The following FCHSD2 variants were observed in gnomAD, a reference collection of about 807,000 sequenced individuals.
FCHSD2 encodes the protein F-BAR and double SH3 domains protein 2.
In FCHSD2, 38 loss-of-function variants were observed where a neutral mutation model predicts 108.1. The ratio of observed to expected loss-of-function variants is 0.35; its 90% confidence interval spans 0.27 to 0.46. The LOEUF is 0.46. FCHSD2 is among the 20% of genes least tolerant of loss of function. FCHSD2 has a pLI of 1.00. For synonymous variants in FCHSD2, 279 were observed against 314.7 expected, an observed-to-expected ratio of 0.89 and a Z score of 1.20; for missense variants, 751 against 897.8, an observed-to-expected ratio of 0.84 and a Z score of 2.09.
At chr11:72,891,010 G>A (rs772524915) in intron 10 of FCHSD2, among the ~76,000 whole-genome samples, 65 of 151,996 alleles carry the variant, frequency 4.3e-4, no homozygotes, top group African/African-American at 1.4e-3. Context: ...CTCAACCTCC[G>A]GGCTCAAGTG....
chr11:73,073,164 A>C lies in FCHSD2; in HGVS notation c.165+10531T>G, dbSNP rs151099675. Among the ~76,000 whole-genome samples, 153 of 152,334 alleles carry C rather than the reference A, an allele frequency of 1.0e-3. 1 individual carries two copies. The highest frequency in any genetic ancestry group is 2.1e-3 in the South Asian group (10 of 4,828). Reference sequence around the variant, plus strand: ...CTGCAAATGATTTTACCAACACCTCAGTGGTTAGCTAATTGCAGTCAGAAG... The same window carrying C: ...CTGCAAATGATTTTACCAACACCTCCGTGGTTAGCTAATTGCAGTCAGAAG... On this transcript the variant is annotated intron_variant, in intron 3 of 19. Transcript: ENST00000409418.
intron 3 of FCHSD2, among the ~76,000 whole-genome samples, chr11:73,062,479 A>T (rs1859191110): frequency 6.6e-6 from 1 of 152,214 alleles, no homozygotes; most frequent in African/African-American, 2.4e-5. Flanking sequence ...GGTGGGTAAT[A>T]ACCAACACCT....
chr11:73,039,177 G>C (rs950680084), intron 3 of FCHSD2, among the ~76,000 whole-genome samples: 1 of 152,100 alleles, frequency 6.6e-6, no homozygotes, highest in Non-Finnish European at 1.5e-5. Flanking sequence ...GTCTCACTGG[G>C]AGTAAGCAAT....
At chr11:73,041,764 ATTTTGTGTTTTGGTTTGTTCACAG>A (rs796464589) in intron 3 of FCHSD2, among the ~76,000 whole-genome samples, 22 of 151,820 alleles carry the variant, frequency 1.4e-4, no homozygotes, top group African/African-American at 5.1e-4. Context: ...CTATTTTTCA[ATTTTGTGTTTTGGTTTGTTCACAG>A]TTTTGTGTTT....
At position 73,096,987 on chromosome 11, in the gene FCHSD2, A is replaced by ATTTTTTTTT. The variant is rs60223064; in HGVS notation, c.120-13256_120-13248dup. On this transcript the variant is annotated intron_variant, in intron 2 of 19. Coordinates refer to ENST00000409418, the MANE Select transcript of FCHSD2 (RefSeq NM_014824.3). ...CTAATGTGATGTATTTCATTGATGG[A>ATTTTTTTTT]TTTTTTTTTTTTTTTTTTTTTTTTT... Among the ~76,000 whole-genome samples the ATTTTTTTTT allele has an allele frequency of 1.0e-2, 270 of 27,030 alleles. 94 individuals are homozygous for ATTTTTTTTT. The highest frequency in any genetic ancestry group is 0.03 in the African/African-American group (150 of 5,050). 17.7% of individuals were successfully genotyped at this position (27,030 alleles called of 152,430 possible). A position where few individuals can be genotyped will look rare whatever the true frequency, so the allele number is the denominator to read the frequency against.
At chr11:72,893,092 G>A (rs923274561) in intron 10 of FCHSD2, among the ~76,000 whole-genome samples, 4 of 151,830 alleles carry the variant, frequency 2.6e-5, no homozygotes, top group African/African-American at 4.8e-5. Flanking sequence ...TCTGCCTCTC[G>A]GGTTCAAGAG....
At chr11:73,060,917 A>G (rs1211151889) in intron 3 of FCHSD2, among the ~76,000 whole-genome samples, 2 of 152,234 alleles carry the variant, frequency 1.3e-5, no homozygotes, top group African/African-American at 4.8e-5. Context: ...TCCCGTGTTC[A>G]TGAAGGAAGG....
intron 8 of FCHSD2, among the ~76,000 whole-genome samples, chr11:72,978,018 G>A (rs1857138833): frequency 1.3e-5 from 2 of 152,160 alleles, no homozygotes; most frequent in Non-Finnish European, 2.9e-5. Flanking sequence ...GTAGGGACAT[G>A]GATGAAGCTG....
At chr11:73,140,545 C>T (rs191940194) in intron 1 of FCHSD2, among the ~76,000 whole-genome samples, 13 of 152,256 alleles carry the variant, frequency 8.5e-5, no homozygotes, top group Non-Finnish European at 1.3e-4. Flanking sequence ...TGCCTGATAC[C>T]CAATGACCAA....
intron 2 of FCHSD2, among the ~76,000 whole-genome samples, chr11:73,094,763 T>C (rs1466022709): frequency 6.6e-6 from 1 of 152,208 alleles, no homozygotes; most frequent in Non-Finnish European, 1.5e-5. Context: ...AATAAAGAAA[T>C]ATCTTAATTT....
At position 72,843,266 on chromosome 11, in the gene FCHSD2, C is replaced by T. The variant is rs535579271; in HGVS notation, c.1590G>A (p.Ser530=). The part of the protein sequence containing the change: ...VPEKYLQFPT[S]NSLLSMLQSL... ...ACTGCAGCATGCTCAGGAGGCTGTT[C>T]GAGGTGGGAAACTGTAGGTACTTTT... Residue 530 remains serine (S), a synonymous_variant, in exon 16 of 20, where the codon TCG becomes TCA. Coordinates refer to ENST00000409418, the MANE Select transcript of FCHSD2 (RefSeq NM_014824.3). The T allele has an allele frequency of 1.9e-6, 3 of 1,613,918 alleles. No individual in the cohort carries two copies. Among genetic ancestry groups the T allele is most frequent in the Admixed American group, 1.7e-5 (1 of 60,016 alleles).
At chr11:73,125,288 C>G (rs146233722) in intron 2 of FCHSD2, among the ~76,000 whole-genome samples, 2 of 152,332 alleles carry the variant, frequency 1.3e-5, no homozygotes, top group African/African-American at 4.8e-5. Context: ...AGAAAACTAA[C>G]ATTATATTAC....
At chr11:72,856,148 A>C (rs1861423665) in intron 13 of FCHSD2, among the ~76,000 whole-genome samples, 1 of 152,236 alleles carries the variant, frequency 6.6e-6, no homozygotes, top group Non-Finnish European at 1.5e-5. Flanking sequence ...CTGTATGTAG[A>C]AAACTACGCT....
intron 2 of FCHSD2, among the ~76,000 whole-genome samples, chr11:73,133,663 G>A (rs1861054604): frequency 6.6e-6 from 1 of 151,908 alleles, no homozygotes; most frequent in South Asian, 2.1e-4. Context: ...GGGTACGGTG[G>A]CGGGCACCTA....
chr11:73,035,700 A>T (rs1399923745), intron 3 of FCHSD2, among the ~76,000 whole-genome samples: 1 of 141,972 alleles, frequency 7.0e-6, no homozygotes, highest in African/African-American at 2.6e-5. Context: ...TTCAGTTTTT[A>T]TTTATTTATT....
intron 9 of FCHSD2, among the ~76,000 whole-genome samples, chr11:72,905,568 C>T (rs1855611387): frequency 6.6e-6 from 1 of 152,120 alleles, no homozygotes; most frequent in South Asian, 2.1e-4. Context: ...AGGTATTTCT[C>T]CCAATGCTAT....
intron 8 of FCHSD2, among the ~76,000 whole-genome samples, chr11:72,951,458 T>TA (rs1856618665): frequency 6.6e-6 from 1 of 152,216 alleles, no homozygotes; most frequent in Non-Finnish European, 1.5e-5. Context: ...CACTGACTTA[T>TA]ACGTAAAGCA....
At chr11:73,067,587 T>A (rs1017875110) in intron 3 of FCHSD2, among the ~76,000 whole-genome samples, 1 of 152,152 alleles carries the variant, frequency 6.6e-6, no homozygotes, top group Non-Finnish European at 1.5e-5. Flanking sequence ...AATATCATCA[T>A]GTTCAAGATC....
chr11:73,104,421 C>T (rs939091721), intron 2 of FCHSD2, among the ~76,000 whole-genome samples: 1 of 152,122 alleles, frequency 6.6e-6, no homozygotes, highest in Admixed American at 6.5e-5. Context: ...AGACGCACAC[C>T]ACCATGCCTG....
Sources: allele counts gnomAD v4.1 joint callset (sites outside exome capture counted in the v4.1 genomes callset), GRCh38; gene constraint gnomAD v4.1.1; transcripts MANE v1.5; gene names NCBI Gene and HGNC (gene_info 2026-07-23, HGNC 2026-07-21).